Variants in KIF27 observed in about 807,000 individuals in gnomAD.
The protein encoded by KIF27 is kinesin-like protein KIF27.
KIF27 carries 84 observed loss-of-function variants against 141.8 expected under a neutral mutation model. The ratio of observed to expected loss-of-function variants is 0.59; its 90% CI spans 0.50 to 0.71. The LOEUF is 0.71. Among genes scored for constraint, KIF27 ranks in the 30% least tolerant of loss-of-function variants. The probability of loss-of-function intolerance (pLI) is 0.00; values close to 1 mark genes in which losing one functional copy is unlikely to be tolerated. For synonymous variants in KIF27, 471 were observed against 569.5 expected (o/e 0.83, Z 2.46); for missense variants, 1,306 against 1,628.4 (o/e 0.80, Z 3.41).
intron 13 of KIF27, among the ~76,000 whole-genome samples, chr9:83,866,450 C>A (rs1034048083): frequency 3.9e-5 from 6 of 152,078 alleles, no homozygotes; most frequent in African/African-American, 1.4e-4. Flanking sequence ...TATTTGCTTT[C>A]CATCTTTTCT....
chr9:83,874,904 A>T (rs1951083971), intron 11 of KIF27, among the ~76,000 whole-genome samples: 2 of 145,416 alleles, frequency 1.4e-5, no homozygotes, highest in Admixed American at 1.4e-4. Flanking sequence ...ACTGCACTCA[A>T]GCCTGGATGA....
At position 83,859,380 on chromosome 9, in the gene KIF27, T is replaced by G. The variant is rs1432784591; in HGVS notation, c.2935-9A>C. The G allele has an allele frequency of 1.9e-6, 3 of 1,603,020 alleles. No individual in the cohort carries two copies. Among genetic ancestry groups the G allele is most frequent in the Middle Eastern group, 1.7e-4 (1 of 6,048 alleles). ...CTATCTGTGTTTAAGGCCTAAAAGATACAACCCACCAGCCACCTCAAAAAC... is the reference window on the plus strand; with the variant it reads ...CTATCTGTGTTTAAGGCCTAAAAGAGACAACCCACCAGCCACCTCAAAAAC... On this transcript the variant is annotated splice_polypyrimidine_tract_variant and intron_variant, in intron 13 of 17. Transcript: ENST00000297814.
At chr9:83,865,667 T>A (rs972376464) in intron 13 of KIF27, among the ~76,000 whole-genome samples, 14 of 152,260 alleles carry the variant, frequency 9.2e-5, no homozygotes, top group Non-Finnish European at 1.8e-4. Flanking sequence ...TTATAGATAG[T>A]CATCTTTTAC....
chr9:83,884,098 C>G, intron 9 of KIF27, 80 bp from the exon 10 acceptor site: 3 of 1,040,440 alleles, frequency 2.9e-6, no homozygotes, highest in Non-Finnish European at 4.1e-6. Flanking sequence ...ATACTCTACT[C>G]TAAAATCCAG....
At chr9:83,911,343 G>T (rs1264664547) in intron 2 of KIF27, among the ~76,000 whole-genome samples, 1 of 152,166 alleles carries the variant, frequency 6.6e-6, no homozygotes, top group Non-Finnish European at 1.5e-5. Flanking sequence ...CGATTCTCCT[G>T]CCTCAGCCTC....
At chr9:83,874,261 T>C (rs973223305) in intron 11 of KIF27, among the ~76,000 whole-genome samples, 5 of 152,224 alleles carry the variant, frequency 3.3e-5, no homozygotes, top group African/African-American at 9.6e-5. Flanking sequence ...ATCCATTTTA[T>C]AGATGAGGAA....
chr9:83,916,499 AAACT>A (rs1955693836), intron 1 of KIF27, among the ~76,000 whole-genome samples: 2 of 152,312 alleles, frequency 1.3e-5, no homozygotes, highest in Middle Eastern at 3.4e-3. Flanking sequence ...AAAATAATCA[AAACT>A]AACAGAAAAA....
At chr9:83,910,996 T>A (rs1343403475) in intron 2 of KIF27, among the ~76,000 whole-genome samples, 1 of 152,104 alleles carries the variant, frequency 6.6e-6, no homozygotes, top group Non-Finnish European at 1.5e-5. Context: ...TTCTGATAGG[T>A]GACATAACAT....
At chr9:83,861,092 C>T (rs1949854326) in intron 13 of KIF27, among the ~76,000 whole-genome samples, 1 of 151,762 alleles carries the variant, frequency 6.6e-6, no homozygotes, top group Non-Finnish European at 1.5e-5. Context: ...GCTTTCAGGA[C>T]CTTCTTTTTT....
chr9:83,882,133 C>T (rs1271088303), intron 10 of KIF27, among the ~76,000 whole-genome samples: 2 of 151,688 alleles, frequency 1.3e-5, no homozygotes, highest in Non-Finnish European at 2.9e-5. Context: ...GAGGGCGAGA[C>T]GGGTGGATCA....
chr9:83,880,965 A>T (rs747140933), intron 10 of KIF27, among the ~76,000 whole-genome samples: 4 of 152,176 alleles, frequency 2.6e-5, no homozygotes, highest in Non-Finnish European at 4.4e-5. Flanking sequence ...TTCTATATAG[A>T]CTACTGTCTC....
intron 11 of KIF27, among the ~76,000 whole-genome samples, chr9:83,878,088 C>T (rs1951348483): frequency 7.1e-6 from 1 of 141,602 alleles, no homozygotes; most frequent in Admixed American, 8.0e-5. Context: ...GGCGTGAACT[C>T]AGGAGGCGGA....
chr9:83,873,104 G>T (rs532270813), intron 11 of KIF27, among the ~76,000 whole-genome samples: 1 of 152,200 alleles, frequency 6.6e-6, no homozygotes, highest in Non-Finnish European at 1.5e-5. Context: ...CTCAGTAGGG[G>T]CTTATAATGC....
At chr9:83,852,282 TAA>T (rs35725807) in intron 15 of KIF27, among the ~76,000 whole-genome samples, 7 of 147,670 alleles carry the variant, frequency 4.7e-5, no homozygotes, top group African/African-American at 1.7e-4. Context: ...CCGTCTCTAC[TAA>T]AAAAAAAATA....
At position 83,836,541 on chromosome 9, in the gene KIF27, T is replaced by C. The variant is rs182332265; in HGVS notation, c.*460A>G. Among the ~76,000 whole-genome samples, 6 of 152,154 alleles carry C rather than the reference T, an allele frequency of 3.9e-5. No homozygotes were observed. In the East Asian group the frequency reaches 1.2e-3, roughly 29 times the overall value. On this transcript the variant is annotated 3_prime_UTR_variant, in exon 18 of 18. Transcript: ENST00000297814. Reference sequence around the variant, plus strand: ...AGCTGAGAGGTTGTCTTAGCCCACATATGCAGCAGGTGACTCCCTCTGACA... The same window carrying C: ...AGCTGAGAGGTTGTCTTAGCCCACACATGCAGCAGGTGACTCCCTCTGACA...
At chr9:83,880,886 C>G (rs1951621303) in intron 10 of KIF27, among the ~76,000 whole-genome samples, 1 of 152,178 alleles carries the variant, frequency 6.6e-6, no homozygotes, top group African/African-American at 2.4e-5. Flanking sequence ...ACAAAATTAT[C>G]AATTTCTTAA....
At chr9:83,919,596 G>GA (rs537144904) in intron 1 of KIF27, among the ~76,000 whole-genome samples, 159 of 142,188 alleles carry the variant, frequency 1.1e-3, no homozygotes, top group African/African-American at 1.2e-3. Flanking sequence ...CACTACCCTT[G>GA]AAAAAAAAAA....
intron 14 of KIF27, among the ~76,000 whole-genome samples, chr9:83,857,078 C>CAAA (rs1276481036): frequency 1.3e-4 from 10 of 78,282 alleles, no homozygotes; most frequent in African/African-American, 4.1e-4. Flanking sequence ...TGGATTTTAC[C>CAAA]AAAAAAAAAA....
chr9:83,903,589 G>A lies in KIF27; in HGVS notation c.929C>T (p.Ala310Val), dbSNP rs1257531814. 1.9e-6 allele frequency: 3 copies of A among 1,614,036 alleles called. No individual in the cohort carries two copies. The South Asian group carries it at 3.3e-5, about 18-fold the overall frequency. ...GACACATGTGATCATGACAGTCTTA[G>A]CACTGCCTCCCAGAGAATCTTTCAG... is the stretch of plus-strand genomic sequence containing the variant. ...RLLKDSLGGSAKTVMITCVSP... is the reference protein window; with the variant it reads ...RLLKDSLGGSVKTVMITCVSP... The change falls in exon 4 of 18, where the codon GCT (alanine) becomes GTT (valine). Residue 310 changes from alanine to valine, a missense_variant. By Grantham distance (64) the Ala-to-Val change is moderately conservative. Transcript: ENST00000297814.
Sources: gnomAD v4.1 joint callset for allele counts (sites outside exome capture counted in the v4.1 genomes callset) on GRCh38, gnomAD v4.1.1 for gene constraint, MANE v1.5 for transcripts, NCBI Gene and HGNC (gene_info 2026-07-23, HGNC 2026-07-21) for gene names.